Variants in COG5 observed in about 807,000 individuals in gnomAD.
COG5 encodes the protein component of oligomeric golgi complex 5.
A neutral mutation model predicts 110.4 loss-of-function variants in COG5; 86 were observed. That is an observed-to-expected ratio of 0.78 (90% CI 0.65 to 0.93). The LOEUF is 0.93. Among genes scored for constraint, COG5 ranks in the 40% least tolerant of loss-of-function variants. COG5 has a pLI of 0.00. For missense variants in COG5, 1,077 were observed against 987.0 expected, an observed-to-expected ratio of 1.09 and a Z score of -1.22; for synonymous variants, 360 against 334.6, an observed-to-expected ratio of 1.08 and a Z score of -0.83.
At chr7:107,469,352 A>G (rs1032148559) in intron 6 of COG5, among the ~76,000 whole-genome samples, 1 of 152,174 alleles carries the variant, frequency 6.6e-6, no homozygotes, top group Non-Finnish European at 1.5e-5. Context: ...AAGACCAAGT[A>G]GTAATCTCCA....
At chr7:107,440,530 A>G (rs1231366444) in intron 6 of COG5, among the ~76,000 whole-genome samples, 4 of 152,128 alleles carry the variant, frequency 2.6e-5, no homozygotes, top group African/African-American at 7.2e-5. Flanking sequence ...TTTGCATGCT[A>G]ATAGAATGAT....
chr7:107,215,753 C>G (rs1799483821), intron 19 of COG5, among the ~76,000 whole-genome samples: 1 of 150,584 alleles, frequency 6.6e-6, no homozygotes, highest in African/African-American at 2.4e-5. Context: ...CGGAGTCTTG[C>G]TTTGTAGCCC....
chr7:107,210,126 C>T (rs1799058750), intron 21 of COG5: 5 of 1,066,366 alleles, frequency 4.7e-6, no homozygotes, highest in Admixed American at 4.6e-5. Flanking sequence ...AACTGTTTCG[C>T]ACTTGGGTAT....
intron 6 of COG5, among the ~76,000 whole-genome samples, chr7:107,517,757 G>T (rs56967324): frequency 3.3e-5 from 5 of 151,306 alleles, no homozygotes; most frequent in African/African-American, 1.2e-4. Flanking sequence ...CAGTGCAGTG[G>T]CGCAATCTCG....
At chr7:107,430,303 TGTAGACACTG>T (rs1205182659) in intron 6 of COG5, among the ~76,000 whole-genome samples, 4 of 152,226 alleles carry the variant, frequency 2.6e-5, no homozygotes, top group Non-Finnish European at 5.9e-5. Context: ...TTCTTTTGCA[TGTAGACACTG>T]GTTGTCCCAG....
At chr7:107,249,336 C>T (rs559283786) in intron 16 of COG5, among the ~76,000 whole-genome samples, 53 of 151,976 alleles carry the variant, frequency 3.5e-4, no homozygotes, top group Admixed American at 1.2e-3. Flanking sequence ...AAACATCTTA[C>T]GGAATACAGA....
intron 21 of COG5, chr7:107,208,344 G>C (rs1302731896): frequency 1.0e-6 from 1 of 985,376 alleles, no homozygotes; most frequent in Non-Finnish European, 1.2e-6. Context: ...AATCACTCAG[G>C]AGACATTTTT....
At chr7:107,447,877 C>G (rs116450743) in intron 6 of COG5, among the ~76,000 whole-genome samples, 2,257 of 152,276 alleles carry the variant, frequency 0.015, 57 homozygotes, top group African/African-American at 0.052. Flanking sequence ...TACTGACAGT[C>G]GGGCACAGTG....
chr7:107,248,517 A>T lies in COG5; in HGVS notation c.1750-18T>A. ...TGAATAGCCTAAAAAAAAAAAAGAA[A>T]GAAAAAAAAGAAGAGGCAAGATTAA... On this transcript the variant is annotated intron_variant, in intron 16 of 21. Coordinates refer to ENST00000297135, the MANE Select transcript of COG5 (RefSeq NM_006348.5). 6.5e-7 allele frequency: 1 copy of T among 1,534,706 alleles called. No homozygotes were observed. Among genetic ancestry groups the T allele is most frequent in the Non-Finnish European group, 9.0e-7 (1 of 1,116,830 alleles).
chr7:107,543,898 G>A (rs1387375849), intron 5 of COG5, among the ~76,000 whole-genome samples: 1 of 151,872 alleles, frequency 6.6e-6, no homozygotes, highest in African/African-American at 2.4e-5. Context: ...GCAAACCCAG[G>A]GTCCAGGCTC....
At chr7:107,372,522 T>C in intron 8 of COG5, 73 bp downstream of exon 8, 1 of 1,418,412 alleles carries the variant, frequency 7.1e-7, no homozygotes, top group Non-Finnish European at 9.9e-7. Context: ...GAAACATGAG[T>C]GTTTCACATA....
At chr7:107,372,543 G>T (rs1258607405) in intron 8 of COG5, 52 bp downstream of exon 8, 2 of 1,564,350 alleles carry the variant, frequency 1.3e-6, no homozygotes, top group East Asian at 4.5e-5. Context: ...CTATTCAAAA[G>T]ACTTCTCAGT....
intron 6 of COG5, among the ~76,000 whole-genome samples, chr7:107,495,015 G>A (rs1462374050): frequency 6.6e-6 from 1 of 152,040 alleles, no homozygotes; most frequent in African/African-American, 2.4e-5. Flanking sequence ...GATCCAATGG[G>A]GATTTGGAGA....
At chr7:107,321,610 T>C (rs1809290505) in intron 11 of COG5, among the ~76,000 whole-genome samples, 1 of 152,138 alleles carries the variant, frequency 6.6e-6, no homozygotes, top group Non-Finnish European at 1.5e-5. Context: ...AGTCCAGAAA[T>C]AGTCTTACTT....
chr7:107,434,553 A>T (rs1016023919), intron 6 of COG5, among the ~76,000 whole-genome samples: 3 of 152,236 alleles, frequency 2.0e-5, no homozygotes, highest in African/African-American at 7.2e-5. Context: ...TTGTGTAAGC[A>T]AACATCACCT....
intron 19 of COG5, among the ~76,000 whole-genome samples, chr7:107,220,468 T>C (rs1386077059): frequency 6.6e-6 from 1 of 152,252 alleles, no homozygotes; most frequent in African/African-American, 2.4e-5. Context: ...TAAAGGCCTC[T>C]GGAAACTGAC....
intron 17 of COG5, among the ~76,000 whole-genome samples, chr7:107,245,137 G>A (rs1422052512): frequency 6.6e-6 from 1 of 152,184 alleles, no homozygotes; most frequent in Admixed American, 6.5e-5. Flanking sequence ...AATAGACCCA[G>A]AAAAGGCTTC....
chr7:107,272,205 T>C (rs953309096), intron 14 of COG5, among the ~76,000 whole-genome samples: 1 of 152,156 alleles, frequency 6.6e-6, no homozygotes, highest in African/African-American at 2.4e-5. Context: ...CTGCCTCCCA[T>C]TCTATTCAGA....
chr7:107,384,043 T>A (rs62482507), intron 7 of COG5, among the ~76,000 whole-genome samples: 4 of 152,156 alleles, frequency 2.6e-5, no homozygotes, highest in Admixed American at 6.5e-5. Flanking sequence ...ATTTCTGAGC[T>A]GTCCTTACCC....
Sources: allele counts gnomAD v4.1 joint callset (sites outside exome capture counted in the v4.1 genomes callset), GRCh38; gene constraint gnomAD v4.1.1; transcripts MANE v1.5; gene names NCBI Gene and HGNC (gene_info 2026-07-23, HGNC 2026-07-21).